MIA2: variants seen among roughly 807,000 people sequenced by gnomAD.
MIA2 encodes MIA SH3 domain ER export factor 2.
In MIA2, 127 loss-of-function variants were observed where a neutral mutation model predicts 167.8. The observed-to-expected ratio is 0.76, with a 90% CI of 0.66 to 0.88. MIA2 has a LOEUF of 0.88. Ranked by LOEUF, MIA2 falls within the 40% of genes least tolerant of loss-of-function variation. MIA2 has a pLI of 0.00. For missense variants in MIA2, 1,690 were observed against 1,624.7 expected, an observed-to-expected ratio of 1.04 and a Z score of -0.69; for synonymous variants, 552 against 541.9, an observed-to-expected ratio of 1.02 and a Z score of -0.26.
chr14:39,358,552 C>G (rs985010298), intron 23 of MIA2, among the ~76,000 whole-genome samples: 1 of 152,130 alleles, frequency 6.6e-6, no homozygotes, highest in Non-Finnish European at 1.5e-5. Context: ...TCTCTCAACC[C>G]GTTAAAGTCA....
exon 24 of MIA2, chr14:39,387,960 G>T (rs2075294166): frequency 6.6e-6 from 1 of 152,044 alleles, no homozygotes; most frequent in African/African-American, 2.4e-5. Context: ...TAATGCTATT[G>T]TACACCTAAT....
intron 23 of MIA2, among the ~76,000 whole-genome samples, chr14:39,356,763 A>G (rs535935440): frequency 3.7e-4 from 56 of 152,240 alleles, no homozygotes; most frequent in African/African-American, 1.3e-3. Flanking sequence ...CTTTGTTCTC[A>G]TTGGTTTCAA....
chr14:39,265,860 C>G, intron 6 of MIA2: 1 of 390,826 alleles, frequency 2.6e-6, no homozygotes. Context: ...CAGTGTCTAA[C>G]ACGTATGAAA....
intron 18 of MIA2, among the ~76,000 whole-genome samples, chr14:39,310,233 T>G (rs1298014284): frequency 6.6e-6 from 1 of 152,204 alleles, no homozygotes; most frequent in Non-Finnish European, 1.5e-5. Context: ...GCTCTCATTC[T>G]GTAAACAGGT....
intron 24 of MIA2, among the ~76,000 whole-genome samples, chr14:39,322,995 A>G (rs2066751289): frequency 6.6e-6 from 1 of 152,228 alleles, no homozygotes; most frequent in Admixed American, 6.5e-5. Flanking sequence ...ATCAAAGTTC[A>G]TATACTCAGA....
chr14:39,266,727 C>T (rs2055726426), intron 6 of MIA2: 2 of 985,298 alleles, frequency 2.0e-6, no homozygotes, highest in South Asian at 4.7e-5. Flanking sequence ...GCCGGGGTCT[C>T]CCGGGGTACG....
rs1399787470 is a variant in MIA2 at position 39,350,431 on chromosome 14, A to T, written c.*167A>T. The T allele has an allele frequency of 4.5e-6, 2 of 441,750 alleles. No homozygotes were observed. Among genetic ancestry groups the T allele is most frequent in the Non-Finnish European group, 8.1e-6 (2 of 245,882 alleles). The allele number at this position is 441,750 out of a possible 1,614,324, so 27.4% of individuals were successfully genotyped here. On this transcript the variant is annotated 3_prime_UTR_variant, in exon 29 of 29. Transcript: ENST00000640607. ...AGATGATTTAAATATGAATCTTATG[A>T]GTAAATTATTTCAATTTTATTTTAG... is the stretch of plus-strand genomic sequence containing the variant.
intron 18 of MIA2, among the ~76,000 whole-genome samples, chr14:39,311,701 G>A (rs756196972): frequency 6.6e-6 from 1 of 151,602 alleles, no homozygotes; most frequent in South Asian, 2.1e-4. Context: ...TGTTGGCCAG[G>A]CTGGTCTCAA....
At chr14:39,264,347 T>G (rs748643488) in intron 6 of MIA2, among the ~76,000 whole-genome samples, 2 of 152,220 alleles carry the variant, frequency 1.3e-5, no homozygotes, top group Non-Finnish European at 2.9e-5. Context: ...AATGCACCGT[T>G]GATGGGCACC....
At chr14:39,337,598 C>G (rs1473404468) in intron 25 of MIA2, among the ~76,000 whole-genome samples, 2 of 152,084 alleles carry the variant, frequency 1.3e-5, no homozygotes, top group Non-Finnish European at 2.9e-5. Flanking sequence ...TCTTTGATCA[C>G]AATGGAATCA....
At chr14:39,321,958 A>G (rs902000963) in intron 24 of MIA2, among the ~76,000 whole-genome samples, 1 of 151,656 alleles carries the variant, frequency 6.6e-6, no homozygotes, top group African/African-American at 2.4e-5. Context: ...AGAAAATACA[A>G]AAGGTTGTTT....
intron 17 of MIA2, among the ~76,000 whole-genome samples, chr14:39,305,951 A>G (rs921226609): frequency 6.8e-6 from 1 of 147,600 alleles, no homozygotes; most frequent in African/African-American, 2.5e-5. Flanking sequence ...AAAAAAAAAA[A>G]GTACATAAAT....
chr14:39,271,321 C>T (rs1332116773), intron 6 of MIA2, among the ~76,000 whole-genome samples: 1 of 152,118 alleles, frequency 6.6e-6, no homozygotes, highest in Non-Finnish European at 1.5e-5. Context: ...TGGTCTGTGT[C>T]TGTCCCTATG....
At chr14:39,269,155 T>C (rs529818121) in intron 6 of MIA2, 35 of 704,378 alleles carry the variant, frequency 5.0e-5, no homozygotes, top group Non-Finnish European at 6.1e-5. Flanking sequence ...TGTTCCGCTT[T>C]AAATTTTTTT....
At chr14:39,314,826 GTGTGTGTGTGTA>G (rs1311959402) in intron 20 of MIA2, 27 bp downstream of exon 20, 14 of 1,252,112 alleles carry the variant, frequency 1.1e-5, no homozygotes, top group South Asian at 3.6e-5. Context: ...GTGTGTGTGT[GTGTGTGTGTGTA>G]TATATATATA....
chr14:39,247,683 G>A lies in MIA2; in HGVS notation c.1109G>A (p.Ser370Asn). 2 of 1,612,014 alleles carry A rather than the reference G, an allele frequency of 1.2e-6. No homozygotes were observed. Among genetic ancestry groups the A allele is most frequent in the Non-Finnish European group, 1.7e-6 (2 of 1,179,442 alleles). The change falls in exon 4 of 29, where the codon AGC (serine) becomes AAC (asparagine). Residue 370 changes from serine to asparagine, a missense_variant. Physicochemically the swap from Ser to Asn is conservative, Grantham distance 46. Coordinates refer to ENST00000640607, the MANE Select transcript of MIA2 (RefSeq NM_001329214.4). ...TEKKDTITNDSLSLKPSWFDF... is the reference protein window; with the variant it reads ...TEKKDTITNDNLSLKPSWFDF... ...AAAAAAGACACAATCACTAATGATA[G>A]CTTGAGTCTCAAGCCAAGTTGGTTT...
chr14:39,256,169 A>G (rs60862523), intron 6 of MIA2, among the ~76,000 whole-genome samples: 1,631 of 152,292 alleles, frequency 0.011, 31 homozygotes, highest in African/African-American at 0.036. Flanking sequence ...GCTTACATAG[A>G]CATGGACTCT....
intron 23 of MIA2, among the ~76,000 whole-genome samples, chr14:39,375,641 G>A (rs183590983): frequency 1.3e-5 from 2 of 152,212 alleles, no homozygotes; most frequent in Admixed American, 6.5e-5. Flanking sequence ...AAGTTGCAGT[G>A]AGTGGAGATC....
At chr14:39,321,655 A>G (rs2066463656) in intron 24 of MIA2, among the ~76,000 whole-genome samples, 1 of 152,070 alleles carries the variant, frequency 6.6e-6, no homozygotes. Context: ...TGACTTCTTA[A>G]AAACTATATA....
Sources: allele counts gnomAD v4.1 joint callset (sites outside exome capture counted in the v4.1 genomes callset), GRCh38; gene constraint gnomAD v4.1.1; transcripts MANE v1.5; gene names NCBI Gene and HGNC (gene_info 2026-07-23, HGNC 2026-07-21).